Variants in NHS observed in about 807,000 individuals in gnomAD.
The protein encoded by NHS is actin remodeling regulator NHS.
Under a neutral mutation model 72.5 loss-of-function variants are expected in NHS, and 5 were observed. The ratio of observed to expected loss-of-function variants is 0.07; its 90% CI spans 0.04 to 0.14. The LOEUF (loss-of-function observed/expected upper bound fraction) is 0.14, where lower values mean the gene tolerates loss of function less well. Among genes scored for constraint, NHS ranks in the 10% least tolerant of loss-of-function variants. The pLI, the probability that NHS is intolerant of heterozygous loss-of-function variation, is 1.00. For missense variants in NHS, 1,072 were observed against 1,355.7 expected (o/e 0.79, Z 3.29); for synonymous variants, 464 against 547.7 (o/e 0.85, Z 2.13).
intron 1 of NHS, among the ~76,000 whole-genome samples, chrX:17,611,348 C>A (rs2065710384): frequency 8.9e-6 from 1 of 111,843 alleles, no homozygotes; most frequent in Admixed American, 9.5e-5. Context: ...TTTCCTAGTT[C>A]CAGAGGCACC....
chrX:17,378,656 G>A (rs962333608), intron 1 of NHS, among the ~76,000 whole-genome samples: 1 of 112,240 alleles, frequency 8.9e-6, no homozygotes, highest in Non-Finnish European at 1.9e-5. Flanking sequence ...GAGGAAAGAG[G>A]AAAGCCAGTA....
intron 8 of NHS, among the ~76,000 whole-genome samples, chrX:17,729,848 T>C (rs2066475710): frequency 8.9e-6 from 1 of 112,315 alleles, no homozygotes; most frequent in South Asian, 3.7e-4. Context: ...GGGATTGTCT[T>C]TTCTACCTCA....
intron 3 of NHS, among the ~76,000 whole-genome samples, chrX:17,709,310 T>A (rs895350162): frequency 9.0e-6 from 1 of 111,705 alleles, no homozygotes; most frequent in Non-Finnish European, 1.9e-5. Context: ...CCAGAAGCAG[T>A]TTGCTTTTGA....
intron 1 of NHS, among the ~76,000 whole-genome samples, chrX:17,670,497 C>T (rs1338486832): frequency 8.9e-6 from 1 of 112,797 alleles, no homozygotes; most frequent in African/African-American, 3.2e-5. Context: ...TGAATCCGCA[C>T]ATTTAATTGA....
At chrX:17,621,334 A>G (rs899443661) in intron 1 of NHS, among the ~76,000 whole-genome samples, 3 of 111,707 alleles carry the variant, frequency 2.7e-5, no homozygotes, top group African/African-American at 9.8e-5. Flanking sequence ...GATGCTGAGG[A>G]GTTGGTTCTG....
chrX:17,624,332 AACAT>A (rs1222797185), intron 1 of NHS, among the ~76,000 whole-genome samples: 1 of 112,445 alleles, frequency 8.9e-6, no homozygotes, highest in Non-Finnish European at 1.9e-5. Context: ...AGTGATGTCT[AACAT>A]ACATACAGAA....
intron 1 of NHS, among the ~76,000 whole-genome samples, chrX:17,573,413 T>C (rs2065492587): frequency 9.1e-6 from 1 of 109,995 alleles, no homozygotes; most frequent in African/African-American, 3.3e-5. Flanking sequence ...GTCTTCTCAC[T>C]TTATTTCATT....
chrX:17,442,125 A>G (rs1012638841), intron 1 of NHS, among the ~76,000 whole-genome samples: 3 of 112,683 alleles, frequency 2.7e-5, no homozygotes, highest in African/African-American at 9.7e-5. Context: ...GTAAGTGGCA[A>G]GATAAAGGAA....
chrX:17,718,836 AAAGGAAGGAGGG>A (rs1569316771), intron 3 of NHS, among the ~76,000 whole-genome samples: 1 of 92,841 alleles, frequency 1.1e-5, no homozygotes, highest in Non-Finnish European at 2.2e-5. Flanking sequence ...GGGAAAGAAG[AAAGGAAGGAGGG>A]AAGGAAGAAA....
intron 3 of NHS, among the ~76,000 whole-genome samples, chrX:17,704,263 G>A (rs1391232507): frequency 1.8e-5 from 2 of 109,416 alleles, no homozygotes; most frequent in South Asian, 8.1e-4. Context: ...GGGTGACAGA[G>A]TGAGACTCTA....
At chrX:17,546,740 A>G (rs2065295515) in intron 1 of NHS, among the ~76,000 whole-genome samples, 2 of 112,791 alleles carry the variant, frequency 1.8e-5, no homozygotes, top group African/African-American at 6.4e-5. Flanking sequence ...TCTGGAATTA[A>G]AGACACAGGG....
intron 1 of NHS, among the ~76,000 whole-genome samples, chrX:17,673,273 C>T (rs2066060387): frequency 9.3e-6 from 1 of 107,048 alleles, no homozygotes; most frequent in Non-Finnish European, 1.9e-5. Flanking sequence ...TAAGACACTT[C>T]CCTTTACATA....
chrX:17,635,442 C>A, intron 1 of NHS: 1 of 1,164,890 alleles, frequency 8.6e-7, no homozygotes, highest in Non-Finnish European at 1.1e-6. Flanking sequence ...TGCCCTCTCT[C>A]GCCCTCCATC....
chrX:17,515,742 T>G (rs750219531), intron 1 of NHS, among the ~76,000 whole-genome samples: 1 of 112,094 alleles, frequency 8.9e-6, no homozygotes, highest in East Asian at 2.8e-4. Context: ...ATTTTGCTCA[T>G]TCAATTCTCA....
At chrX:17,716,044 T>C in intron 3 of NHS, among the ~76,000 whole-genome samples, 1 of 111,232 alleles carries the variant, frequency 9.0e-6, no homozygotes, top group East Asian at 2.8e-4. Context: ...ACTATCAATA[T>C]AGTGGAGAGA....
chrX:17,644,077 C>T (rs948646722), intron 1 of NHS, among the ~76,000 whole-genome samples: 1 of 112,198 alleles, frequency 8.9e-6, no homozygotes, highest in African/African-American at 3.2e-5. Flanking sequence ...TCTGTAGTTA[C>T]AAAAACCTAT....
At chrX:17,561,135 G>T (rs781554932) in intron 1 of NHS, among the ~76,000 whole-genome samples, 1 of 112,579 alleles carries the variant, frequency 8.9e-6, no homozygotes, top group African/African-American at 3.2e-5. Context: ...TGCTCTTCCA[G>T]ACTGGCCATC....
chrX:17,482,366 A>T (rs1177566669), intron 1 of NHS, among the ~76,000 whole-genome samples: 10 of 111,872 alleles, frequency 8.9e-5, no homozygotes, highest in Non-Finnish European at 1.9e-4. Flanking sequence ...CCTCTCTATA[A>T]GGTGAGCTCC....
chrX:17,486,095 C>A (rs2064966429), intron 1 of NHS, among the ~76,000 whole-genome samples: 1 of 112,050 alleles, frequency 8.9e-6, no homozygotes, highest in Non-Finnish European at 1.9e-5. Context: ...TTCCCCAGCA[C>A]CTAGTGTGAC....
Sources: gnomAD v4.1 joint callset for allele counts (sites outside exome capture counted in the v4.1 genomes callset) on GRCh38, gnomAD v4.1.1 for gene constraint, MANE v1.5 for transcripts, NCBI Gene and HGNC (gene_info 2026-07-23, HGNC 2026-07-21) for gene names.